PLOD2: variants seen among roughly 807,000 people sequenced by gnomAD.
PLOD2 encodes lysine hydroxylase 2.
PLOD2 carries 65 observed loss-of-function variants against 101.0 expected under a neutral mutation model. The ratio of observed to expected loss-of-function variants is 0.64; its 90% CI spans 0.53 to 0.79. The LOEUF (loss-of-function observed/expected upper bound fraction) is 0.79, where lower values mean the gene tolerates loss of function less well. Ranked by LOEUF, PLOD2 falls within the 30% of genes least tolerant of loss-of-function variation. The pLI is 0.00. For missense variants in PLOD2, 909 were observed against 914.6 expected (o/e 0.99, Z 0.08); for synonymous variants, 314 against 302.9 (o/e 1.04, Z -0.38).
chr3:146,090,758 G>A (rs922100685), intron 8 of PLOD2, among the ~76,000 whole-genome samples: 3 of 151,738 alleles, frequency 2.0e-5, no homozygotes, highest in Admixed American at 6.6e-5. Context: ...TTTAATTCAG[G>A]AGCTTGAACA....
At chr3:146,156,073 A>G (rs995377165) in intron 1 of PLOD2, among the ~76,000 whole-genome samples, 9 of 152,206 alleles carry the variant, frequency 5.9e-5, no homozygotes, top group Admixed American at 3.9e-4. Flanking sequence ...AACACTACTT[A>G]CACCAAAGAA....
At chr3:146,099,021 G>A (rs1017862733) in intron 7 of PLOD2, among the ~76,000 whole-genome samples, 8 of 151,890 alleles carry the variant, frequency 5.3e-5, no homozygotes, top group African/African-American at 1.9e-4. Context: ...ATTTTCTCGA[G>A]TTTTTGTATT....
intron 15 of PLOD2, among the ~76,000 whole-genome samples, chr3:146,074,406 T>C (rs1936258070): frequency 6.6e-6 from 1 of 151,528 alleles, no homozygotes; most frequent in African/African-American, 2.4e-5. Context: ...CTTTTGAGGC[T>C]AGATTTTAGG....
chr3:146,116,868 C>A (rs925497319), intron 3 of PLOD2, among the ~76,000 whole-genome samples: 2 of 151,900 alleles, frequency 1.3e-5, no homozygotes, highest in African/African-American at 4.8e-5. Context: ...TAAATCTTAC[C>A]CTACAGATTA....
At chr3:146,098,462 G>C (rs1052927325) in intron 7 of PLOD2, among the ~76,000 whole-genome samples, 9 of 151,750 alleles carry the variant, frequency 5.9e-5, no homozygotes, top group African/African-American at 1.7e-4. Flanking sequence ...TGTTAATTAA[G>C]AAACACAAAA....
chr3:146,143,807 C>T (rs2108128987), intron 1 of PLOD2, among the ~76,000 whole-genome samples: 1 of 152,142 alleles, frequency 6.6e-6, no homozygotes, highest in African/African-American at 2.4e-5. Context: ...GCGTTTCTCT[C>T]CAAATTTTTT....
At chr3:146,076,619 G>T in intron 15 of PLOD2, 163 bp downstream of exon 15, 1 of 481,166 alleles carries the variant, frequency 2.1e-6, no homozygotes, top group South Asian at 3.5e-5. Flanking sequence ...TTTAATAATA[G>T]CCATTCTGAC....
At chr3:146,113,398 T>C (rs902071550) in intron 3 of PLOD2, among the ~76,000 whole-genome samples, 9 of 152,158 alleles carry the variant, frequency 5.9e-5, no homozygotes, top group African/African-American at 1.7e-4. Flanking sequence ...AAAAGTCAAA[T>C]TGTCAAATTT....
chr3:146,155,275 G>A (rs2032243991), intron 1 of PLOD2, among the ~76,000 whole-genome samples: 1 of 152,040 alleles, frequency 6.6e-6, no homozygotes, highest in Non-Finnish European at 1.5e-5. Flanking sequence ...AGTGAGCTAT[G>A]ATAGCGTCAC....
At chr3:146,104,097 G>A (rs562513832) in intron 6 of PLOD2, among the ~76,000 whole-genome samples, 182 bp downstream of exon 6, 1 of 152,258 alleles carries the variant, frequency 6.6e-6, no homozygotes, top group South Asian at 2.1e-4. Flanking sequence ...CATAGGAAAT[G>A]ATTTTAATTT....
chr3:146,071,305 A>C lies in PLOD2; in HGVS notation c.1967T>G (p.Leu656Arg), dbSNP rs766471999. Residue 656 changes from leucine to arginine, a missense_variant, in exon 18 of 20, where the codon CTG becomes CGG. Coordinates refer to ENST00000282903, the MANE Select transcript of PLOD2 (RefSeq NM_182943.3). Reference sequence around the variant, plus strand: ...CGTATAATAGCCTGCAAAGACCTTCAGTGTAACTGGTGCAATGAACTCCCG... The same window carrying C: ...CGTATAATAGCCTGCAAAGACCTTCCGTGTAACTGGTGCAATGAACTCCCG... ...FIREFIAPVT[L>R]KVFAGYYTKG... 13 of 1,612,216 alleles carry C rather than the reference A, an allele frequency of 8.1e-6. No individual in the cohort carries two copies. Among genetic ancestry groups the C allele is most frequent in the Non-Finnish European group, 1.1e-5 (13 of 1,178,744 alleles).
chr3:146,127,423 C>T (rs778322841), intron 1 of PLOD2, among the ~76,000 whole-genome samples: 4 of 152,052 alleles, frequency 2.6e-5, no homozygotes, highest in South Asian at 2.1e-4. Context: ...AGCGAGAACA[C>T]GTGGCATTCG....
rs761524569 is a variant in PLOD2 at position 146,088,587 on chromosome 3, T to G, written c.1004A>C (p.Lys335Thr). 6.4e-7 allele frequency: 1 copy of G among 1,555,166 alleles called. No individual in the cohort carries two copies. The highest frequency in any genetic ancestry group is 8.9e-7 in the Non-Finnish European group (1 of 1,128,058). ...KEALKLFIHN[K>T]EVYHEKDIKV... is the part of the protein sequence containing the mutation. ...AATATTCATTTCTCAAATACTTACT[T>G]TGTTATGAATAAAAAGTTTAAGTGC... Residue 335 changes from lysine to threonine, a missense_variant and splice_region_variant, in exon 9 of 20, where the codon AAA becomes ACA. Lys to Thr is a moderately conservative substitution (Grantham distance 78). Coordinates refer to ENST00000282903, the MANE Select transcript of PLOD2 (RefSeq NM_182943.3).
At chr3:146,114,751 C>T (rs1937821285) in intron 3 of PLOD2, among the ~76,000 whole-genome samples, 1 of 152,032 alleles carries the variant, frequency 6.6e-6, no homozygotes, top group Admixed American at 6.6e-5. Context: ...AGGGAATAAA[C>T]TAAGAAAGAG....
At chr3:146,133,789 A>G (rs1032128253) in intron 1 of PLOD2, among the ~76,000 whole-genome samples, 6 of 152,168 alleles carry the variant, frequency 3.9e-5, no homozygotes, top group Admixed American at 2.6e-4. Flanking sequence ...AAGTTGGGGG[A>G]AAAAAGTGTG....
At chr3:146,100,042 C>T (rs376546269) in intron 7 of PLOD2, among the ~76,000 whole-genome samples, 3 of 151,952 alleles carry the variant, frequency 2.0e-5, no homozygotes, top group African/African-American at 4.8e-5. Flanking sequence ...CCACCAACCC[C>T]GGCTAATTTT....
intron 3 of PLOD2, among the ~76,000 whole-genome samples, chr3:146,115,033 C>T (rs1937839808): frequency 6.6e-6 from 1 of 152,086 alleles, no homozygotes; most frequent in South Asian, 2.1e-4. Flanking sequence ...AAAAAACTTG[C>T]TGGTTTTGCG....
At position 146,102,807 on chromosome 3, in the gene PLOD2, T is replaced by G; in HGVS notation, c.725A>C (p.Asn242Thr). ...KFENGKARAK[N>T]TFYETLPVAI... ...CACTGGTAATGTTTCATAAAATGTA[T>G]TCTTAGCTCTGGCTTTGCCATTTTC... is the stretch of plus-strand genomic sequence containing the variant. The change falls in exon 7 of 20, where the codon AAT becomes ACT. Residue 242 changes from asparagine to threonine, a missense_variant. By Grantham distance (65) the Asn-to-Thr change is moderately conservative. Transcript: ENST00000282903. 6.2e-7 allele frequency: 1 copy of G among 1,607,162 alleles called. No homozygotes were observed. The highest frequency in any genetic ancestry group is 8.5e-7 in the Non-Finnish European group (1 of 1,173,710).
chr3:146,130,488 C>T (rs1241735553), intron 1 of PLOD2, among the ~76,000 whole-genome samples: 1 of 152,170 alleles, frequency 6.6e-6, no homozygotes, highest in Non-Finnish European at 1.5e-5. Flanking sequence ...TTCTTTTGCT[C>T]ACAATTAGAC....
Sources: allele counts gnomAD v4.1 joint callset (sites outside exome capture counted in the v4.1 genomes callset), GRCh38; gene constraint gnomAD v4.1.1; transcripts MANE v1.5; gene names NCBI Gene and HGNC (gene_info 2026-07-23, HGNC 2026-07-21).